The following NKAIN3 variants were observed in gnomAD, a reference collection of about 807,000 sequenced individuals.
NKAIN3 encodes the protein sodium/potassium transporting ATPase interacting 3.
Under a neutral mutation model 30.2 loss-of-function variants are expected in NKAIN3, and 25 were observed. That is an observed-to-expected ratio of 0.83 (90% CI 0.60 to 1.16). The LOEUF (loss-of-function observed/expected upper bound fraction) is 1.16, where lower values mean the gene tolerates loss of function less well. NKAIN3 is among the 50% of genes most tolerant of loss of function. NKAIN3 has a pLI of 0.00. For synonymous variants in NKAIN3, 91 were observed against 89.6 expected (o/e 1.02, Z -0.09); for missense variants, 225 against 254.1 (o/e 0.89, Z 0.78).
chr8:62,373,719 T>C (rs556886043), intron 1 of NKAIN3, among the ~76,000 whole-genome samples: 1 of 152,342 alleles, frequency 6.6e-6, no homozygotes, highest in East Asian at 1.9e-4. Context: ...TGAGTTGCCA[T>C]TAATTGCAGC....
intron 6 of NKAIN3, among the ~76,000 whole-genome samples, chr8:62,955,310 TC>T (rs1823391860): frequency 6.6e-6 from 1 of 152,198 alleles, no homozygotes; most frequent in African/African-American, 2.4e-5. Context: ...AACCAAGCAG[TC>T]ACCACCTCAT....
At chr8:62,833,892 A>G (rs1819275785) in intron 4 of NKAIN3, among the ~76,000 whole-genome samples, 1 of 152,120 alleles carries the variant, frequency 6.6e-6, no homozygotes, top group Admixed American at 6.6e-5. Flanking sequence ...CTACAGGTCA[A>G]TATTACTGAA....
At chr8:62,812,298 T>C (rs1284086346) in intron 4 of NKAIN3, among the ~76,000 whole-genome samples, 2 of 151,868 alleles carry the variant, frequency 1.3e-5, no homozygotes, top group African/African-American at 4.8e-5. Flanking sequence ...TTTGGAATTG[T>C]TTTACATATT....
intron 5 of NKAIN3, among the ~76,000 whole-genome samples, chr8:62,994,000 C>CT (rs200506868): frequency 0.017 from 2,543 of 152,264 alleles, 54 homozygotes; most frequent in African/African-American, 0.053. Flanking sequence ...TTTATAAGCT[C>CT]TTTAAATGCA....
intron 1 of NKAIN3, among the ~76,000 whole-genome samples, chr8:62,517,450 T>A (rs1213908506): frequency 6.6e-6 from 1 of 152,180 alleles, no homozygotes; most frequent in Non-Finnish European, 1.5e-5. Context: ...AAACATTATC[T>A]GGAACTCAGT....
chr8:62,508,948 G>A (rs547555304), intron 1 of NKAIN3, among the ~76,000 whole-genome samples: 1 of 139,502 alleles, frequency 7.2e-6, no homozygotes, highest in Non-Finnish European at 1.6e-5. Context: ...GTGTCTTTTG[G>A]GAATCCAGTG....
intron 1 of NKAIN3, among the ~76,000 whole-genome samples, chr8:62,486,750 C>A (rs189927325): frequency 6.6e-6 from 1 of 152,336 alleles, no homozygotes; most frequent in Non-Finnish European, 1.5e-5. Flanking sequence ...ATTCTTACTA[C>A]CATTTGCAAT....
rs541659473 is a variant in NKAIN3, at chr8:62,452,174, C to T, written c.55-127365C>T. Among the ~76,000 whole-genome samples, 5 of 152,234 alleles carry T rather than the reference C, an allele frequency of 3.3e-5. No individual in the cohort carries two copies. In the South Asian group the frequency reaches 1.0e-3, roughly 32 times the overall value. On this transcript the variant is annotated intron_variant, in intron 1 of 6. Coordinates refer to ENST00000623646, the MANE Select transcript of NKAIN3 (RefSeq NM_001304533.3). ...TTAAACCAAAAGTGTCCAAGTTTCC[C>T]TTTAAAACTAGAATTTACTGGCTGG...
intron 4 of NKAIN3, among the ~76,000 whole-genome samples, chr8:62,801,153 C>T (rs1221466836): frequency 1.3e-5 from 2 of 152,208 alleles, no homozygotes; most frequent in East Asian, 1.9e-4. Flanking sequence ...CTCAAGGAGG[C>T]CTGCCTGCCT....
chr8:62,942,443 C>A (rs1822994065), intron 5 of NKAIN3, among the ~76,000 whole-genome samples: 1 of 150,894 alleles, frequency 6.6e-6, no homozygotes, highest in Admixed American at 6.6e-5. Flanking sequence ...GTGAAATGAC[C>A]ATACTTCCAA....
intron 4 of NKAIN3, among the ~76,000 whole-genome samples, chr8:62,837,219 G>A (rs907002614): frequency 2.5e-4 from 38 of 152,080 alleles, no homozygotes; most frequent in Admixed American, 2.2e-3. Context: ...TAAGATGTTT[G>A]AAGTTGATTG....
chr8:62,492,259 T>C (rs1040320435), intron 1 of NKAIN3, among the ~76,000 whole-genome samples: 2 of 152,128 alleles, frequency 1.3e-5, no homozygotes, highest in Non-Finnish European at 2.9e-5. Flanking sequence ...TCTCCACAAG[T>C]GTAGAGTGCA....
chr8:62,587,251 A>T (rs1476305429), intron 2 of NKAIN3, among the ~76,000 whole-genome samples: 1 of 151,992 alleles, frequency 6.6e-6, no homozygotes, highest in Admixed American at 6.6e-5. Flanking sequence ...ACAATTCAAA[A>T]ATCAAAAATA....
chr8:62,351,394 A>C (rs1421066291), intron 1 of NKAIN3, among the ~76,000 whole-genome samples: 3 of 150,104 alleles, frequency 2.0e-5, no homozygotes, highest in African/African-American at 7.3e-5. Flanking sequence ...TTGTATTATA[A>C]TTGTTTACTC....
intron 1 of NKAIN3, among the ~76,000 whole-genome samples, chr8:62,506,476 C>CTTTCTTTCTTTTTTTTTTTT (rs71559373): frequency 1.0e-3 from 100 of 98,452 alleles, no homozygotes; most frequent in Non-Finnish European, 1.5e-3. Flanking sequence ...TTCTTTCTTT[C>CTTTCTTTCTTTTTTTTTTTT]TTTTTTTTTT....
chr8:62,906,531 C>G (rs1821783866), intron 4 of NKAIN3, among the ~76,000 whole-genome samples: 1 of 152,124 alleles, frequency 6.6e-6, no homozygotes, highest in African/African-American at 2.4e-5. Flanking sequence ...TGTCCCCACC[C>G]AAATCTCATC....
At chr8:62,679,870 A>T (rs1448859099) in intron 3 of NKAIN3, among the ~76,000 whole-genome samples, 2 of 152,202 alleles carry the variant, frequency 1.3e-5, no homozygotes, top group Non-Finnish European at 1.5e-5. Flanking sequence ...GGGGACACAG[A>T]TTCAAGCAAT....
chr8:62,345,428 CACAT>C (rs1815925922), intron 1 of NKAIN3, among the ~76,000 whole-genome samples: 1 of 119,944 alleles, frequency 8.3e-6, no homozygotes, highest in Admixed American at 8.4e-5. Flanking sequence ...CACATATATA[CACAT>C]ATATGTATAT....
At chr8:62,268,603 CTGTTA>C (rs1812678697) in intron 1 of NKAIN3, among the ~76,000 whole-genome samples, 1 of 152,148 alleles carries the variant, frequency 6.6e-6, no homozygotes, top group Non-Finnish European at 1.5e-5. Context: ...TATGCAATAC[CTGTTA>C]TGTTAGGTAT....
Sources: allele counts gnomAD v4.1 joint callset (sites outside exome capture counted in the v4.1 genomes callset), GRCh38; gene constraint gnomAD v4.1.1; transcripts MANE v1.5; gene names NCBI Gene and HGNC (gene_info 2026-07-23, HGNC 2026-07-21).